Variants in NLGN1 observed in about 807,000 individuals in gnomAD.
The protein encoded by NLGN1 is neuroligin-1.
In NLGN1, 12 loss-of-function variants were observed where a neutral mutation model predicts 65.5. The observed-to-expected ratio is 0.18, with a 90% CI of 0.12 to 0.30. NLGN1 has a LOEUF of 0.30. Ranked by LOEUF, NLGN1 falls within the 10% of genes least tolerant of loss-of-function variation. The probability of loss-of-function intolerance (pLI) is 1.00; values close to 1 mark genes in which losing one functional copy is unlikely to be tolerated. For missense variants in NLGN1, 750 were observed against 1,007.1 expected, an observed-to-expected ratio of 0.74 and a Z score of 3.46; for synonymous variants, 350 against 359.5, an observed-to-expected ratio of 0.97 and a Z score of 0.30.
chr3:174,050,764 G>A (rs1734646532), intron 4 of NLGN1, among the ~76,000 whole-genome samples: 1 of 151,944 alleles, frequency 6.6e-6, no homozygotes, highest in Non-Finnish European at 1.5e-5. Flanking sequence ...CCTATCAGCT[G>A]ATAGTTTTAA....
intron 3 of NLGN1, among the ~76,000 whole-genome samples, chr3:173,772,222 T>C (rs187460782): frequency 7.9e-5 from 12 of 152,334 alleles, no homozygotes; most frequent in Non-Finnish European, 1.5e-5. Flanking sequence ...AGGTTTCTTT[T>C]TTTATTTGAA....
intron 4 of NLGN1, among the ~76,000 whole-genome samples, chr3:174,080,088 T>C (rs911531289): frequency 6.6e-6 from 1 of 152,180 alleles, no homozygotes; most frequent in Admixed American, 6.5e-5. Context: ...CTGTACATAC[T>C]CTCCACATAT....
intron 1 of NLGN1, among the ~76,000 whole-genome samples, chr3:173,434,147 T>C (rs1717679581): frequency 6.6e-6 from 1 of 152,132 alleles, no homozygotes; most frequent in South Asian, 2.1e-4. Flanking sequence ...AATTAGAAAA[T>C]TACAACTATG....
At chr3:174,045,133 T>C (rs1316406970) in intron 4 of NLGN1, among the ~76,000 whole-genome samples, 1 of 152,164 alleles carries the variant, frequency 6.6e-6, no homozygotes, top group Non-Finnish European at 1.5e-5. Flanking sequence ...TTAAGTATCC[T>C]TACAGCAATG....
At chr3:174,240,244 T>C (rs1474623424) in intron 4 of NLGN1, among the ~76,000 whole-genome samples, 2 of 152,004 alleles carry the variant, frequency 1.3e-5, no homozygotes, top group South Asian at 2.1e-4. Context: ...AGTTCTCTTG[T>C]AATATAGAAG....
rs1287852918 is a variant in NLGN1 at position 173,807,954 on chromosome 3, C to T, written c.646+122C>T. ...ATTTTTTTATGCGTGTTGACATTCTCGAGCCCAAATTTTTTATAGTTTCAA... is the reference window on the plus strand; with the variant it reads ...ATTTTTTTATGCGTGTTGACATTCTTGAGCCCAAATTTTTTATAGTTTCAA... On this transcript the variant is annotated intron_variant, in intron 4 of 6. Coordinates refer to ENST00000457714, the Ensembl canonical transcript of NLGN1. 3.1e-5 allele frequency: 29 copies of T among 924,998 alleles called. No homozygotes were observed. In the Admixed American group the frequency reaches 6.2e-4, roughly 20 times the overall value. The allele number at this position is 924,998 out of a possible 1,614,324, so 57.3% of individuals were successfully genotyped here.
intron 4 of NLGN1, among the ~76,000 whole-genome samples, chr3:173,969,572 T>A (rs1296409890): frequency 6.6e-6 from 1 of 152,154 alleles, no homozygotes; most frequent in Admixed American, 6.5e-5. Context: ...GGCCTGCCCA[T>A]TGAGAAGTCT....
chr3:173,457,054 A>G (rs1463378260), intron 2 of NLGN1, among the ~76,000 whole-genome samples: 1 of 152,072 alleles, frequency 6.6e-6, no homozygotes, highest in Non-Finnish European at 1.5e-5. Flanking sequence ...AGAACATCCA[A>G]TCGGAATTCA....
intron 4 of NLGN1, among the ~76,000 whole-genome samples, chr3:174,164,292 C>T (rs1464007022): frequency 1.3e-5 from 2 of 151,646 alleles, no homozygotes; most frequent in African/African-American, 4.8e-5. Context: ...AATTACTTAG[C>T]TTTTGCTTGT....
rs372106259 is a variant in NLGN1 at position 173,975,370 on chromosome 3, G to A, written c.646+167538G>A. ...AATCAATGAAGAGTGGTTGATTGGG[G>A]AAGGGAGCTCTGGGAAGGAGAGAAT... On this transcript the variant is annotated intron_variant, in intron 4 of 6. Transcript: ENST00000457714. Among the ~76,000 whole-genome samples the A allele has an allele frequency of 2.0e-5, 3 of 151,910 alleles. No homozygotes were observed. In the South Asian group the frequency reaches 6.2e-4, roughly 31 times the overall value.
chr3:173,841,538 C>T (rs1175640751), intron 4 of NLGN1, among the ~76,000 whole-genome samples: 1 of 152,120 alleles, frequency 6.6e-6, no homozygotes, highest in African/African-American at 2.4e-5. Context: ...AGGACAAATC[C>T]TGTTGTGAAG....
chr3:174,114,506 T>G (rs1164642718), intron 4 of NLGN1, among the ~76,000 whole-genome samples: 1 of 152,172 alleles, frequency 6.6e-6, no homozygotes, highest in Non-Finnish European at 1.5e-5. Context: ...ATTTATCTGA[T>G]GCCTTACTCA....
chr3:173,884,003 G>A (rs1190495064), intron 4 of NLGN1, among the ~76,000 whole-genome samples: 1 of 150,364 alleles, frequency 6.7e-6, no homozygotes, highest in Non-Finnish European at 1.5e-5. Flanking sequence ...CTTTGAATAC[G>A]TATTTACCTT....
intron 2 of NLGN1, among the ~76,000 whole-genome samples, chr3:173,466,915 T>A (rs579498): frequency 2.0e-5 from 3 of 151,984 alleles, no homozygotes; most frequent in African/African-American, 4.8e-5. Context: ...TTAAACAAAT[T>A]TATGTGGAAA....
intron 4 of NLGN1, among the ~76,000 whole-genome samples, chr3:174,030,382 C>T (rs976668393): frequency 1.8e-4 from 27 of 152,072 alleles, no homozygotes; most frequent in African/African-American, 6.0e-4. Context: ...CCTCGGCCTC[C>T]CAAAGTGCTG....
At chr3:174,097,997 C>T (rs933310287) in intron 4 of NLGN1, among the ~76,000 whole-genome samples, 1 of 152,202 alleles carries the variant, frequency 6.6e-6, no homozygotes, top group African/African-American at 2.4e-5. Flanking sequence ...CCTGCAGTAG[C>T]TTCTCTGCAG....
chr3:173,587,759 C>T (rs1747746897), intron 2 of NLGN1, among the ~76,000 whole-genome samples: 1 of 152,078 alleles, frequency 6.6e-6, no homozygotes, highest in Non-Finnish European at 1.5e-5. Flanking sequence ...ACATTGGATT[C>T]CTCTAAGCTT....
At chr3:174,108,612 G>A (rs916958419) in intron 4 of NLGN1, among the ~76,000 whole-genome samples, 23 of 152,202 alleles carry the variant, frequency 1.5e-4, no homozygotes, top group African/African-American at 5.3e-4. Context: ...TTGACAAGTG[G>A]AGATTTATAG....
intron 4 of NLGN1, among the ~76,000 whole-genome samples, chr3:173,998,434 A>C (rs762475073): frequency 2.0e-5 from 3 of 152,224 alleles, no homozygotes; most frequent in Non-Finnish European, 4.4e-5. Context: ...TCCCTTCAGC[A>C]TGTGGCTCAA....
Sources: gnomAD v4.1 joint callset for allele counts (sites outside exome capture counted in the v4.1 genomes callset) on GRCh38, gnomAD v4.1.1 for gene constraint, MANE v1.5 for transcripts, NCBI Gene and HGNC (gene_info 2026-07-23, HGNC 2026-07-21) for gene names.